The following ANGPT4 variants were observed in gnomAD, a reference collection of about 807,000 sequenced individuals.
ANGPT4 encodes angiopoietin 4.
Under a neutral mutation model 53.0 loss-of-function variants are expected in ANGPT4, and 50 were observed. That is an observed-to-expected ratio of 0.94 (90% CI 0.75 to 1.20). The LOEUF (loss-of-function observed/expected upper bound fraction) is 1.20. ANGPT4 is among the 50% of genes most tolerant of loss of function. The probability of loss-of-function intolerance (pLI) is 0.00; values close to 1 mark genes in which losing one functional copy is unlikely to be tolerated. For missense variants in ANGPT4, 648 were observed against 637.1 expected (o/e 1.02, Z -0.18); for synonymous variants, 251 against 259.7 (o/e 0.97, Z 0.32).
At chr20:884,022 C>T (rs1322838813) in intron 4 of ANGPT4, among the ~76,000 whole-genome samples, 3 of 152,160 alleles carry the variant, frequency 2.0e-5, no homozygotes, top group African/African-American at 4.8e-5. Flanking sequence ...GTGCCGGGAG[C>T]GCCATCACTA....
intron 1 of ANGPT4, among the ~76,000 whole-genome samples, chr20:899,092 G>A (rs993648790): frequency 1.3e-5 from 2 of 152,082 alleles, no homozygotes; most frequent in Non-Finnish European, 2.9e-5. Context: ...ACAGTGGAGG[G>A]TAAGTCTGTC....
chr20:898,914 C>G (rs1982161931), intron 1 of ANGPT4, among the ~76,000 whole-genome samples: 1 of 152,196 alleles, frequency 6.6e-6, no homozygotes, highest in Non-Finnish European at 1.5e-5. Context: ...CACTGGAAAT[C>G]CAACTGTCCC....
chr20:882,893 G>T (rs1981466034), intron 4 of ANGPT4, among the ~76,000 whole-genome samples: 1 of 152,188 alleles, frequency 6.6e-6, no homozygotes, highest in Admixed American at 6.5e-5. Context: ...GGGGTAGTTT[G>T]GGGCCAGGAA....
At chr20:893,257 T>C (rs1981918563) in intron 1 of ANGPT4, among the ~76,000 whole-genome samples, 1 of 152,220 alleles carries the variant, frequency 6.6e-6, no homozygotes, top group Non-Finnish European at 1.5e-5. Flanking sequence ...TCATTACCAA[T>C]AGAAATCCCA....
At position 871,998 on chromosome 20, in the gene ANGPT4, C is replaced by G. The variant is rs1445625886; in HGVS notation, c.*962G>C. On this transcript the variant is annotated 3_prime_UTR_variant, in exon 9 of 9. Coordinates refer to ENST00000381922, the MANE Select transcript of ANGPT4 (RefSeq NM_015985.4). The stretch of plus-strand genomic sequence containing the variant: ...GGCTCCTCCTTATGCCAGGGGAGCA[C>G]TAGCTTTGTCCAAGAGCATCTACAG... 6.6e-6 allele frequency: 1 copy of G among 152,064 alleles called. No homozygotes were observed. The highest frequency in any genetic ancestry group is 1.9e-4 in the East Asian group (1 of 5,178). 9.4% of individuals were successfully genotyped at this position (152,064 alleles called of 1,614,324 possible). A position where few individuals can be genotyped will look rare whatever the true frequency, so the allele number is the denominator to read the frequency against.
At chr20:885,041 G>C (rs755455470) in intron 4 of ANGPT4, 37 bp downstream of exon 4, 2 of 1,611,296 alleles carry the variant, frequency 1.2e-6, no homozygotes, top group East Asian at 2.2e-5. Flanking sequence ...TCTCCTGCCC[G>C]TCTTTAGCCA....
intron 1 of ANGPT4, among the ~76,000 whole-genome samples, chr20:895,881 C>G (rs149734968): frequency 6.6e-6 from 1 of 151,606 alleles, no homozygotes; most frequent in African/African-American, 2.4e-5. Context: ...ATTGCCAGGG[C>G]CTGGGTCCGG....
intron 6 of ANGPT4, among the ~76,000 whole-genome samples, chr20:879,246 T>C (rs1196790274): frequency 6.6e-6 from 1 of 152,206 alleles, no homozygotes; most frequent in Non-Finnish European, 1.5e-5. Flanking sequence ...TTAAGTATTT[T>C]AAGTCAGCTT....
At chr20:906,161 G>A (rs1250803959) in intron 1 of ANGPT4, among the ~76,000 whole-genome samples, 1 of 152,142 alleles carries the variant, frequency 6.6e-6, no homozygotes, top group East Asian at 1.9e-4. Context: ...GACTTCCTTG[G>A]CTAAACCATT....
rs750469129 is a variant in ANGPT4 at position 873,053 on chromosome 20, CTTG to C, written c.1416_1418del (p.Asn472del). On this transcript the variant is annotated inframe_deletion, in exon 9 of 9. Coordinates refer to ENST00000381922, the MANE Select transcript of ANGPT4 (RefSeq NM_015985.4). ...GCCAGCGGATGCCGTCCATCTTGTA[CTTG>C]TTGTCGGGAGCGTGGTAGTAGACGC... The C allele has an allele frequency of 6.2e-6, 10 of 1,613,954 alleles. No homozygotes were observed. The highest frequency in any genetic ancestry group is 6.8e-6 in the Non-Finnish European group (8 of 1,180,024).
chr20:879,158 G>T (rs1981290428), intron 6 of ANGPT4, among the ~76,000 whole-genome samples: 1 of 152,210 alleles, frequency 6.6e-6, no homozygotes, highest in South Asian at 2.1e-4. Flanking sequence ...ACAGCAAGCA[G>T]ACGCAAATAA....
At chr20:912,306 G>A (rs1002290961) in intron 1 of ANGPT4, among the ~76,000 whole-genome samples, 1 of 152,156 alleles carries the variant, frequency 6.6e-6, no homozygotes. Context: ...AAGGTCAGGG[G>A]TAGGTGCTGT....
rs1336296032 is a variant in ANGPT4 at position 871,157 on chromosome 20, T to C, written c.*1803A>G. 2 of 152,260 alleles carry C rather than the reference T, an allele frequency of 1.3e-5. No individual in the cohort carries two copies. 9.4% of individuals were successfully genotyped at this position (152,260 alleles called of 1,614,324 possible). A position where few individuals can be genotyped will look rare whatever the true frequency, so the allele number is the denominator to read the frequency against. ...AGCTCTCTGGGCAGCAATCTGCCCC[T>C]AAAGATTTCCCATCATGCCTGAAAT... is the stretch of plus-strand genomic sequence containing the variant. On this transcript the variant is annotated 3_prime_UTR_variant, in exon 9 of 9. Coordinates refer to ENST00000381922, the MANE Select transcript of ANGPT4 (RefSeq NM_015985.4).
rs1325011809 is a variant in ANGPT4 at position 911,586 on chromosome 20, A to G, written c.309+4320T>C. Among the ~76,000 whole-genome samples the G allele has an allele frequency of 6.6e-6, 1 of 151,892 alleles. No individual in the cohort carries two copies. The highest frequency in any genetic ancestry group is 1.5e-5 in the Non-Finnish European group (1 of 68,024). On this transcript the variant is annotated intron_variant, in intron 1 of 8. Transcript: ENST00000381922. This position sits in a 1 kb window ranked among gnomAD's most constrained non-coding sequence, Gnocchi z 4.9. ...GAGAATCAGAGACAGAGACACCCACAGAGTTAGCAACAGTGAGTCAGGGCC... is the reference window on the plus strand; with the variant it reads ...GAGAATCAGAGACAGAGACACCCACGGAGTTAGCAACAGTGAGTCAGGGCC...
intron 7 of ANGPT4, 150 bp from the exon 8 acceptor site, chr20:874,564 T>C (rs951051067): frequency 8.6e-7 from 1 of 1,158,718 alleles, no homozygotes; most frequent in African/African-American, 1.6e-5. Flanking sequence ...GTGGAGTGCT[T>C]GGGCTGTTTC....
intron 1 of ANGPT4, among the ~76,000 whole-genome samples, chr20:903,891 C>T (rs1982379525): frequency 6.6e-6 from 1 of 152,094 alleles, no homozygotes; most frequent in African/African-American, 2.4e-5. Context: ...AGGGGGAGAC[C>T]TAAATGATGC....
intron 4 of ANGPT4, among the ~76,000 whole-genome samples, chr20:884,534 G>A (rs1444436432): frequency 2.6e-5 from 4 of 152,230 alleles, no homozygotes; most frequent in Admixed American, 6.5e-5. Context: ...GAGTCAGTGA[G>A]AGCCTGGGAG....
rs549143091 is a variant in ANGPT4, at chr20:874,126, G to A, written c.1351+158C>T. Among the ~76,000 whole-genome samples, 33 of 152,320 alleles carry A rather than the reference G, an allele frequency of 2.2e-4. 1 individual carries two copies. In the South Asian group the frequency reaches 2.5e-3, roughly 11 times the overall value. On this transcript the variant is annotated intron_variant, in intron 8 of 8. Coordinates refer to ENST00000381922, the MANE Select transcript of ANGPT4 (RefSeq NM_015985.4). ...CAAGGACTCAATGGGGGAAGGCACC[G>A]AAGGGGCACAGCCAGGTGAGCTTAT...
At chr20:878,079 C>T (rs1428425566) in intron 7 of ANGPT4, 82 bp downstream of exon 7, 4 of 1,460,816 alleles carry the variant, frequency 2.7e-6, no homozygotes, top group Non-Finnish European at 3.7e-6. Flanking sequence ...GGAGCAGACT[C>T]TGTAGACACT....
Sources: allele counts gnomAD v4.1 joint callset (sites outside exome capture counted in the v4.1 genomes callset), GRCh38; gene constraint gnomAD v4.1.1; non-coding constraint Gnocchi (gnomAD v3.1); transcripts MANE v1.5; gene names NCBI Gene and HGNC (gene_info 2026-07-23, HGNC 2026-07-21).